The following LUZP1 variants were observed in gnomAD, a reference collection of about 807,000 sequenced individuals.
LUZP1 encodes the protein leucine zipper protein 1.
LUZP1 carries 25 observed loss-of-function variants against 71.3 expected under a neutral mutation model. The observed-to-expected ratio is 0.35, with a 90% CI of 0.26 to 0.49. The LOEUF is 0.49. Ranked by LOEUF, LUZP1 falls within the 20% of genes least tolerant of loss-of-function variation. The pLI is 0.99. For missense variants in LUZP1, 1,142 were observed against 1,300.8 expected, an observed-to-expected ratio of 0.88 and a Z score of 1.88; for synonymous variants, 481 against 506.4, an observed-to-expected ratio of 0.95 and a Z score of 0.67.
At chr1:23,086,575 T>C (rs892852511) in exon 5 of LUZP1, 2 of 152,678 alleles carry the variant, frequency 1.3e-5, no homozygotes, top group Non-Finnish European at 2.9e-5. Flanking sequence ...TAGGCATGGC[T>C]TGGCGCCCTT....
chr1:23,128,566 T>C (rs1187901871), intron 2 of LUZP1, among the ~76,000 whole-genome samples: 1 of 152,216 alleles, frequency 6.6e-6, no homozygotes, highest in Non-Finnish European at 1.5e-5. Context: ...CCCATTATAT[T>C]TGGAGCATTA....
intron 2 of LUZP1, among the ~76,000 whole-genome samples, chr1:23,119,322 A>C (rs1412507066): frequency 6.9e-6 from 1 of 144,874 alleles, no homozygotes; most frequent in African/African-American, 2.6e-5. Flanking sequence ...GAAGTGGCAC[A>C]ATCACAGCTC....
At chr1:23,085,096 T>C (rs759888136) in exon 5 of LUZP1, 1 of 152,618 alleles carries the variant, frequency 6.6e-6, no homozygotes, top group Non-Finnish European at 1.5e-5. Flanking sequence ...GAGCCACTGC[T>C]TTGCCCTGGT....
chr1:23,118,349 G>C (rs1473012551), intron 2 of LUZP1, among the ~76,000 whole-genome samples: 1 of 152,058 alleles, frequency 6.6e-6, no homozygotes, highest in Non-Finnish European at 1.5e-5. Context: ...AGTGAACTGA[G>C]ATCACACCAC....
intron 2 of LUZP1, among the ~76,000 whole-genome samples, chr1:23,123,545 T>C (rs1644147841): frequency 6.6e-6 from 1 of 151,332 alleles, no homozygotes; most frequent in Admixed American, 6.6e-5. Context: ...GAAGTGACAT[T>C]TTTCAGGGTT....
chr1:23,084,726 G>A (rs1643733918), exon 5 of LUZP1: 1 of 63,326 alleles, frequency 1.6e-5, no homozygotes, highest in South Asian at 3.3e-4. Context: ...AAACGGAGAA[G>A]GCTTTTCCCC....
At position 23,093,706 on chromosome 1, in the gene LUZP1, G is replaced by C. The variant is rs1445812651; in HGVS notation, c.556C>G (p.Leu186Val). 5 of 1,613,560 alleles carry C rather than the reference G, an allele frequency of 3.1e-6. No individual in the cohort carries two copies. Among genetic ancestry groups the C allele is most frequent in the Admixed American group, 1.7e-5 (1 of 60,014 alleles). Reference sequence around the variant, plus strand: ...ACAAAGCTCAGAGTTAATGATTTCAGCTTTTCTAACTCTGACGCTAAACTC... The same window carrying C: ...ACAAAGCTCAGAGTTAATGATTTCACCTTTTCTAACTCTGACGCTAAACTC... The change falls in exon 4 of 5, where the codon CTG (leucine) becomes GTG (valine). Residue 186 changes from leucine (L) to valine (V), a missense_variant. Coordinates refer to ENST00000302291, the Ensembl canonical transcript of LUZP1. This position sits in a 1 kb window ranked among gnomAD's most constrained non-coding sequence, Gnocchi z 4.2.
At chr1:23,103,637 C>CTGATT (rs1365108606) in intron 3 of LUZP1, among the ~76,000 whole-genome samples, 1 of 151,750 alleles carries the variant, frequency 6.6e-6, no homozygotes, top group African/African-American at 2.4e-5. Context: ...TTCTTCTTGG[C>CTGATT]ACATTTAACC....
chr1:23,088,863 AGCAGAGG>A (rs1553134452), exon 5 of LUZP1: 2 of 1,605,686 alleles, frequency 1.2e-6, no homozygotes, highest in Middle Eastern at 1.7e-4. Flanking sequence ...GAGAAGCAGG[AGCAGAGG>A]GCAGACAACA....
At chr1:23,107,663 G>T (rs139499962) in intron 3 of LUZP1, among the ~76,000 whole-genome samples, 1 of 152,078 alleles carries the variant, frequency 6.6e-6, no homozygotes, top group Non-Finnish European at 1.5e-5. Flanking sequence ...TAGCCCAGGC[G>T]TGGTGGCACA....
exon 4 of LUZP1, chr1:23,091,299 G>T: frequency 6.2e-7 from 1 of 1,614,012 alleles, no homozygotes; most frequent in Non-Finnish European, 8.5e-7. Flanking sequence ...TCTGGAGGAG[G>T]GCTCAGGGGC....
At chr1:23,168,480 G>C (rs931690496) in intron 2 of LUZP1, among the ~76,000 whole-genome samples, 1 of 148,340 alleles carries the variant, frequency 6.7e-6, no homozygotes, top group Non-Finnish European at 1.5e-5. Context: ...AGTCTCCTCA[G>C]AACCTTCCCT....
intron 2 of LUZP1, among the ~76,000 whole-genome samples, chr1:23,166,162 G>T (rs1039767353): frequency 6.6e-6 from 1 of 152,056 alleles, no homozygotes; most frequent in Non-Finnish European, 1.5e-5. Flanking sequence ...TTATTCTAGG[G>T]CCCACAGTCA....
At chr1:23,124,137 G>A (rs1644151930) in intron 2 of LUZP1, among the ~76,000 whole-genome samples, 1 of 152,154 alleles carries the variant, frequency 6.6e-6, no homozygotes, top group South Asian at 2.1e-4. Context: ...ATCATGCTGT[G>A]AGCAAGAGCA....
intron 3 of LUZP1, among the ~76,000 whole-genome samples, chr1:23,101,690 G>T (rs1643932675): frequency 6.6e-6 from 1 of 152,148 alleles, no homozygotes; most frequent in South Asian, 2.1e-4. Context: ...TGAAAATGGG[G>T]TTAGGAGGTC....
intron 1 of LUZP1, among the ~76,000 whole-genome samples, chr1:23,175,225 G>A (rs1208120194): frequency 2.6e-5 from 4 of 152,132 alleles, no homozygotes; most frequent in African/African-American, 9.7e-5. Flanking sequence ...GAAATGGACT[G>A]TATTCCAAAG....
chr1:23,140,208 A>G (rs1314588686), intron 2 of LUZP1: 2 of 152,058 alleles, frequency 1.3e-5, no homozygotes, highest in African/African-American at 4.8e-5. Flanking sequence ...AGTAGCACCT[A>G]TCCAGACTCT....
chr1:23,156,056 T>C (rs1035632612), intron 2 of LUZP1, among the ~76,000 whole-genome samples: 31 of 152,184 alleles, frequency 2.0e-4, no homozygotes, highest in African/African-American at 7.2e-4. Context: ...ATTTTTCTAT[T>C]TGAGTTCTTC....
intron 2 of LUZP1, among the ~76,000 whole-genome samples, chr1:23,162,204 G>A (rs1427366463): frequency 2.0e-5 from 3 of 152,020 alleles, no homozygotes; most frequent in South Asian, 4.2e-4. Context: ...AATCTATGCT[G>A]TCAGAAGTCA....
Sources: gnomAD v4.1 joint callset for allele counts (sites outside exome capture counted in the v4.1 genomes callset) on GRCh38, gnomAD v4.1.1 for gene constraint, Gnocchi (gnomAD v3.1) non-coding constraint, MANE v1.5 for transcripts, NCBI Gene and HGNC (gene_info 2026-07-23, HGNC 2026-07-21) for gene names.